Variants in FLT3 observed in about 807,000 individuals in gnomAD.
FLT3 encodes fms related receptor tyrosine kinase 3.
Under a neutral mutation model 126.6 loss-of-function variants are expected in FLT3, and 46 were observed. That is an observed-to-expected ratio of 0.36 (90% CI 0.29 to 0.46). FLT3 has a LOEUF of 0.46. FLT3 is among the 20% of genes least tolerant of loss of function. The probability of loss-of-function intolerance (pLI) is 1.00; values close to 1 mark genes in which losing one functional copy is unlikely to be tolerated. For missense variants in FLT3, 1,069 were observed against 1,190.3 expected (o/e 0.90, Z 1.50); for synonymous variants, 404 against 434.4 (o/e 0.93, Z 0.87).
intron 1 of FLT3, among the ~76,000 whole-genome samples, chr13:28,081,248 T>C (rs985383423): frequency 1.1e-4 from 17 of 152,064 alleles, no homozygotes; most frequent in African/African-American, 4.1e-4. Flanking sequence ...TTGAGTTTTC[T>C]AATACATAAA....
intron 1 of FLT3, among the ~76,000 whole-genome samples, chr13:28,091,502 T>C (rs532513088): frequency 1.4e-4 from 21 of 151,838 alleles, no homozygotes; most frequent in Non-Finnish European, 2.4e-4. Context: ...ATTACAGGCG[T>C]GAGCCACCGC....
intron 19 of FLT3, among the ~76,000 whole-genome samples, chr13:28,020,355 T>C (rs1593222600): frequency 6.6e-6 from 1 of 152,190 alleles, no homozygotes; most frequent in Non-Finnish European, 1.5e-5. Context: ...TAAAATTTTT[T>C]ATTTTTATTT....
chr13:28,027,994 T>C (rs1872962300), intron 16 of FLT3, among the ~76,000 whole-genome samples, 184 bp downstream of exon 16: 1 of 152,200 alleles, frequency 6.6e-6, no homozygotes, highest in Non-Finnish European at 1.5e-5. Context: ...GAGGCATTCT[T>C]TATTTTGACC....
intron 12 of FLT3, among the ~76,000 whole-genome samples, chr13:28,034,738 T>G (rs1873676625): frequency 6.6e-6 from 1 of 152,126 alleles, no homozygotes; most frequent in Non-Finnish European, 1.5e-5. Context: ...GAGGATCACT[T>G]GAGTCCAAGA....
intron 1 of FLT3, among the ~76,000 whole-genome samples, chr13:28,088,521 C>G (rs7338206): frequency 4.0e-5 from 6 of 149,646 alleles, no homozygotes; most frequent in Non-Finnish European, 7.4e-5. Context: ...CTGCTGACCT[C>G]AGGTGATCCA....
intron 9 of FLT3, among the ~76,000 whole-genome samples, chr13:28,038,364 A>G (rs1006822674): frequency 1.3e-5 from 2 of 152,228 alleles, no homozygotes; most frequent in African/African-American, 4.8e-5. Context: ...AAATTGGAGA[A>G]AAAGAAAAAA....
chr13:28,032,810 TCAA>T (rs901224245), intron 15 of FLT3, among the ~76,000 whole-genome samples: 4 of 152,294 alleles, frequency 2.6e-5, no homozygotes, highest in African/African-American at 9.6e-5. Flanking sequence ...GAGAGAAGAA[TCAA>T]CAGCATCAAT....
chr13:28,042,146 AAATAAT>A (rs57260336), intron 9 of FLT3, among the ~76,000 whole-genome samples: 7,522 of 134,664 alleles, frequency 0.056, 295 homozygotes, highest in East Asian at 0.12. Context: ...CCTCCATCCG[AAATAAT>A]AATAATAATA....
chr13:28,091,719 G>C (rs1879119116), intron 1 of FLT3, among the ~76,000 whole-genome samples: 1 of 152,128 alleles, frequency 6.6e-6, no homozygotes, highest in African/African-American at 2.4e-5. Flanking sequence ...AGGGTCGCTT[G>C]AACTCAGGCA....
intron 1 of FLT3, among the ~76,000 whole-genome samples, chr13:28,097,366 T>C (rs1285991805): frequency 1.3e-5 from 2 of 152,178 alleles, no homozygotes; most frequent in Admixed American, 1.3e-4. Context: ...AGTCTTCCCT[T>C]GGAATATAAG....
intron 1 of FLT3, among the ~76,000 whole-genome samples, chr13:28,072,498 G>A (rs780524302): frequency 3.0e-4 from 46 of 152,214 alleles, no homozygotes; most frequent in Non-Finnish European, 5.7e-4. Context: ...CGGGGTTTGA[G>A]TGATTCTCCT....
At chr13:28,015,075 G>C (rs1194831508) in intron 22 of FLT3, 82 bp downstream of exon 22, 11 of 828,174 alleles carry the variant, frequency 1.3e-5, no homozygotes, top group Non-Finnish European at 2.2e-5. Context: ...TAAGGAGTTT[G>C]ACTTTTTTTG....
At chr13:28,099,414 T>C (rs1225554974) in intron 1 of FLT3, among the ~76,000 whole-genome samples, 2 of 152,260 alleles carry the variant, frequency 1.3e-5, no homozygotes, top group African/African-American at 4.8e-5. Flanking sequence ...TTTTACTTTT[T>C]ATATTTCAGA....
intron 17 of FLT3, 83 bp from the exon 18 acceptor site, chr13:28,025,026 A>C (rs889704743): frequency 1.3e-6 from 1 of 786,308 alleles, no homozygotes; most frequent in Non-Finnish European, 2.2e-6. Flanking sequence ...TCATCAAATA[A>C]ATGGATTCCA....
chr13:28,061,862 C>T lies in FLT3; in HGVS notation c.368+5G>A. ...TTTATGTCAAGAAGGTATTCCTCCA[C>T]TTACCTGTTTTGTAAATCAAAATGT... On this transcript the variant is annotated splice_donor_5th_base_variant and intron_variant, in intron 3 of 23. Transcript: ENST00000241453. 1.2e-6 allele frequency: 2 copies of T among 1,609,486 alleles called. No individual in the cohort carries two copies. The highest frequency in any genetic ancestry group is 1.7e-5 in the Admixed American group (1 of 59,974).
chr13:28,098,352 T>C (rs1210390790), intron 1 of FLT3, among the ~76,000 whole-genome samples: 1 of 147,158 alleles, frequency 6.8e-6, no homozygotes, highest in Non-Finnish European at 1.5e-5. Context: ...GTTTACAATA[T>C]AAGGGAAATT....
intron 1 of FLT3, among the ~76,000 whole-genome samples, chr13:28,095,327 A>G (rs1407025313): frequency 6.6e-6 from 1 of 152,078 alleles, no homozygotes; most frequent in Admixed American, 6.6e-5. Context: ...CCAGGCTGGA[A>G]TGCAGTGGCA....
At chr13:28,098,875 T>C (rs1386771648) in intron 1 of FLT3, among the ~76,000 whole-genome samples, 1 of 152,038 alleles carries the variant, frequency 6.6e-6, no homozygotes, top group Non-Finnish European at 1.5e-5. Flanking sequence ...CACACGATGA[T>C]GGTTTGGTTT....
chr13:28,056,609 G>T (rs1406071187), intron 4 of FLT3, among the ~76,000 whole-genome samples: 2 of 152,184 alleles, frequency 1.3e-5, no homozygotes, highest in Non-Finnish European at 2.9e-5. Context: ...ACACGCAGGT[G>T]GTGCCTCTGC....
Sources: gnomAD v4.1 joint callset for allele counts (sites outside exome capture counted in the v4.1 genomes callset) on GRCh38, gnomAD v4.1.1 for gene constraint, MANE v1.5 for transcripts, NCBI Gene and HGNC (gene_info 2026-07-23, HGNC 2026-07-21) for gene names.